Variants in OR3A2 observed in about 807,000 individuals in gnomAD.
The protein encoded by OR3A2 is olfactory receptor family 3 subfamily A member 2.
For missense variants in OR3A2, 318 were observed against 392.8 expected, an observed-to-expected ratio of 0.81 and a Z score of 1.61; for synonymous variants, 126 against 159.3, an observed-to-expected ratio of 0.79 and a Z score of 1.57.
chr17:3,284,861 G>C (rs2048798287), upstream of OR3A2, among the ~76,000 whole-genome samples: 1 of 147,434 alleles, frequency 6.8e-6, no homozygotes, highest in Non-Finnish European at 1.5e-5. Flanking sequence ...CAGGGCATTT[G>C]AGCAGAAACA....
At position 3,349,698 on chromosome 17, in the gene OR3A2, G is replaced by A. The variant is rs1409092486; in HGVS notation, c.-178-13572C>T. ...CAAGCAGACCTAATAGACATCTACAGAACTCTCCACCCCAAATCAACAGAA... is the reference window on the plus strand; with the variant it reads ...CAAGCAGACCTAATAGACATCTACAAAACTCTCCACCCCAAATCAACAGAA... On this transcript the variant is annotated intron_variant, in intron 2 of 4. Transcript: ENST00000573491. 2.7e-5 allele frequency among the ~76,000 whole-genome samples: 4 copies of A among 150,784 alleles called. No individual in the cohort carries two copies. In the East Asian group the frequency reaches 7.8e-4, roughly 29 times the overall value.
chr17:3,330,898 G>T (rs979108371), intron 3 of OR3A2, among the ~76,000 whole-genome samples: 16 of 151,632 alleles, frequency 1.1e-4, no homozygotes, highest in South Asian at 6.3e-4. Flanking sequence ...GCTCTTTTAG[G>T]GCAGGCCTGG....
intron 2 of OR3A2, among the ~76,000 whole-genome samples, chr17:3,356,544 A>G (rs1251971236): frequency 6.6e-6 from 1 of 151,548 alleles, no homozygotes. Context: ...ACCTACCAAG[A>G]TCAAACCATG....
intron 2 of OR3A2, among the ~76,000 whole-genome samples, chr17:3,354,307 T>C (rs966863424): frequency 6.6e-6 from 1 of 151,168 alleles, no homozygotes; most frequent in African/African-American, 2.5e-5. Flanking sequence ...CATTGCGTCC[T>C]GTGCTTTTCT....
intron 3 of OR3A2, among the ~76,000 whole-genome samples, chr17:3,301,440 C>T (rs1227855742): frequency 6.6e-6 from 1 of 152,116 alleles, no homozygotes; most frequent in Non-Finnish European, 1.5e-5. Context: ...CTCTGATGGC[C>T]AGTGATGATG....
At chr17:3,323,427 T>A (rs1459070225) in intron 3 of OR3A2, among the ~76,000 whole-genome samples, 1 of 152,090 alleles carries the variant, frequency 6.6e-6, no homozygotes, top group Admixed American at 6.6e-5. Context: ...TTTTGCCCAT[T>A]ACTTGATGCA....
intron 2 of OR3A2, among the ~76,000 whole-genome samples, chr17:3,353,654 C>T (rs1202862099): frequency 1.3e-5 from 2 of 151,636 alleles, no homozygotes; most frequent in African/African-American, 2.4e-5. Flanking sequence ...TGATGCATCA[C>T]ATTGATTTTT....
At chr17:3,303,126 A>G (rs1355617729) in intron 3 of OR3A2, among the ~76,000 whole-genome samples, 6 of 152,198 alleles carry the variant, frequency 3.9e-5, no homozygotes, top group Admixed American at 3.3e-4. Context: ...GGAACCACAA[A>G]GAAAAAAATG....
intron 3 of OR3A2, among the ~76,000 whole-genome samples, chr17:3,335,154 T>G (rs1345650818): frequency 1.3e-5 from 2 of 152,224 alleles, no homozygotes; most frequent in Non-Finnish European, 2.9e-5. Flanking sequence ...GGCTTATGTA[T>G]TCACCAGTAT....
upstream of OR3A2, among the ~76,000 whole-genome samples, chr17:3,287,003 G>A (rs2048818899): frequency 6.6e-6 from 1 of 152,154 alleles, no homozygotes; most frequent in South Asian, 2.1e-4. Flanking sequence ...CCTATGTCCT[G>A]AATGGTATTG....
At chr17:3,306,610 C>T (rs1442171962) in intron 3 of OR3A2, among the ~76,000 whole-genome samples, 2 of 149,948 alleles carry the variant, frequency 1.3e-5, no homozygotes, top group Non-Finnish European at 3.0e-5. Flanking sequence ...AGTCTAGTGA[C>T]GCTCAACCTT....
intron 3 of OR3A2, among the ~76,000 whole-genome samples, chr17:3,322,187 T>C (rs2049129707): frequency 6.6e-6 from 1 of 152,186 alleles, no homozygotes; most frequent in Non-Finnish European, 1.5e-5. Context: ...TCTCTGATGG[T>C]AGTTTGTATT....
intron 3 of OR3A2, among the ~76,000 whole-genome samples, chr17:3,295,596 T>TA (rs2048912631): frequency 6.6e-6 from 1 of 151,940 alleles, no homozygotes; most frequent in South Asian, 2.1e-4. Flanking sequence ...CAAACACACT[T>TA]ACAATGATAA....
intron 2 of OR3A2, among the ~76,000 whole-genome samples, chr17:3,379,302 G>T (rs1334211117): frequency 1.3e-5 from 2 of 152,168 alleles, no homozygotes; most frequent in Admixed American, 1.3e-4. Flanking sequence ...GGGCTACTCT[G>T]CCGAGGCCAA....
At chr17:3,322,110 C>G (rs2676612) in intron 3 of OR3A2, among the ~76,000 whole-genome samples, 3 of 151,934 alleles carry the variant, frequency 2.0e-5, no homozygotes, top group Non-Finnish European at 4.4e-5. Flanking sequence ...GGAGGATGTA[C>G]GTGTCGAGAA....
At chr17:3,276,134 C>G (rs2048733668), downstream of OR3A2, among the ~76,000 whole-genome samples, 1 of 148,134 alleles carries the variant, frequency 6.8e-6, no homozygotes, top group Non-Finnish European at 1.5e-5. Flanking sequence ...AAAGAATATT[C>G]ATCACAACAT....
At chr17:3,315,751 TGGG>T (rs59845428) in intron 3 of OR3A2, among the ~76,000 whole-genome samples, 22,863 of 129,008 alleles carry the variant, frequency 0.18, 2,508 homozygotes, top group African/African-American at 0.32. Context: ...GGTGAAAATA[TGGG>T]GGGGGGGGCG....
At chr17:3,368,060 C>T (rs2049579841) in intron 2 of OR3A2, among the ~76,000 whole-genome samples, 1 of 151,972 alleles carries the variant, frequency 6.6e-6, no homozygotes, top group East Asian at 1.9e-4. Flanking sequence ...CTATTCATGC[C>T]CTTAACCCAC....
In OR3A2 at chr17:3,332,170, C is replaced by T. The variant is rs1402392859; in HGVS notation, c.-85+3863G>A. ...GCAGAGGTTACTGCTGACTTTTTGT[C>T]TGTGCCCTGCCCCCAGAGGTGGAGC... On this transcript the variant is annotated intron_variant, in intron 3 of 4. Coordinates refer to the OR3A2 transcript ENST00000573491. Among the ~76,000 whole-genome samples the T allele has an allele frequency of 3.3e-5, 5 of 152,318 alleles. No individual in the cohort carries two copies. The South Asian group carries it at 1.0e-3, about 32-fold the overall frequency.
Sources: allele counts gnomAD v4.1 joint callset (sites outside exome capture counted in the v4.1 genomes callset), GRCh38; gene constraint gnomAD v4.1.1; transcripts MANE v1.5; gene names NCBI Gene and HGNC (gene_info 2026-07-23, HGNC 2026-07-21).